The following NR3C1 variants were observed in gnomAD, a reference collection of about 807,000 sequenced individuals.
NR3C1 encodes nuclear receptor subfamily 3 group C member 1.
NR3C1 carries 14 observed loss-of-function variants against 74.0 expected under a neutral mutation model. The ratio of observed to expected loss-of-function variants is 0.19; its 90% confidence interval spans 0.12 to 0.30. The LOEUF (loss-of-function observed/expected upper bound fraction) is 0.30. Among genes scored for constraint, NR3C1 ranks in the 10% least tolerant of loss-of-function variants. The pLI is 1.00. For missense variants in NR3C1, 695 were observed against 909.8 expected (o/e 0.76, Z 3.04); for synonymous variants, 308 against 332.5 (o/e 0.93, Z 0.80).
At chr5:143,418,036 G>T (rs1751003861) in intron 1 of NR3C1, among the ~76,000 whole-genome samples, 1 of 152,164 alleles carries the variant, frequency 6.6e-6, no homozygotes, top group South Asian at 2.1e-4. Context: ...ACAGCCAAAA[G>T]AAACAGAAGC....
At chr5:143,295,099 A>G in intron 7 of NR3C1, 1 of 985,376 alleles carries the variant, frequency 1.0e-6, no homozygotes, top group African/African-American at 1.7e-5. Flanking sequence ...AGGAAACTAA[A>G]ATTTTTAACC....
chr5:143,417,628 CTTA>C (rs1417179864), intron 1 of NR3C1, among the ~76,000 whole-genome samples: 2 of 152,078 alleles, frequency 1.3e-5, no homozygotes, highest in Non-Finnish European at 2.9e-5. Flanking sequence ...GGTAAAGTAA[CTTA>C]TTATTACGCT....
intron 7 of NR3C1, among the ~76,000 whole-genome samples, chr5:143,293,147 G>T (rs547514290): frequency 7.2e-5 from 11 of 152,144 alleles, no homozygotes; most frequent in Non-Finnish European, 1.5e-4. Flanking sequence ...ATCAATCAAC[G>T]AGTGGATAAA....
chr5:143,308,484 A>G (rs1820146493), intron 4 of NR3C1, among the ~76,000 whole-genome samples: 3 of 152,100 alleles, frequency 2.0e-5, no homozygotes, highest in Non-Finnish European at 2.9e-5. Flanking sequence ...AATAATCATC[A>G]TAATCATAAA....
intron 2 of NR3C1, among the ~76,000 whole-genome samples, chr5:143,331,463 C>CA (rs1446336533): frequency 1.3e-5 from 2 of 152,072 alleles, no homozygotes; most frequent in Non-Finnish European, 2.9e-5. Flanking sequence ...AATGATTCTA[C>CA]CATAAAGACG....
At chr5:143,326,354 C>G (rs1368370534) in intron 2 of NR3C1, among the ~76,000 whole-genome samples, 2 of 152,176 alleles carry the variant, frequency 1.3e-5, no homozygotes, top group Admixed American at 6.5e-5. Context: ...CCCCTTCTAT[C>G]CTTCATATCA....
intron 2 of NR3C1, among the ~76,000 whole-genome samples, chr5:143,343,852 G>A (rs961750901): frequency 6.6e-6 from 1 of 152,148 alleles, no homozygotes; most frequent in African/African-American, 2.4e-5. Context: ...CTATCACTAT[G>A]CTCTTTCAAA....
At chr5:143,328,467 C>T (rs1825152085) in intron 2 of NR3C1, among the ~76,000 whole-genome samples, 1 of 152,220 alleles carries the variant, frequency 6.6e-6, no homozygotes, top group East Asian at 1.9e-4. Context: ...TTACTTATTA[C>T]TCCTTGTTAC....
At chr5:143,302,380 G>T (rs1176981194) in intron 4 of NR3C1, among the ~76,000 whole-genome samples, 1 of 151,986 alleles carries the variant, frequency 6.6e-6, no homozygotes, top group Non-Finnish European at 1.5e-5. Flanking sequence ...AATACATAAA[G>T]AAACTCTTTA....
chr5:143,347,529 G>C (rs1305036331), intron 2 of NR3C1, among the ~76,000 whole-genome samples: 1 of 152,118 alleles, frequency 6.6e-6, no homozygotes. Context: ...CTATTCAAAG[G>C]GATAGAGAGT....
At chr5:143,306,898 T>A (rs1241387076) in intron 4 of NR3C1, among the ~76,000 whole-genome samples, 29 of 61,404 alleles carry the variant, frequency 4.7e-4, no homozygotes, top group Non-Finnish European at 8.1e-4. Flanking sequence ...TTTTTTTTTT[T>A]TTTTTTTTTT....
intron 2 of NR3C1, among the ~76,000 whole-genome samples, chr5:143,361,190 G>T (rs536509864): frequency 1.3e-5 from 2 of 152,242 alleles, no homozygotes; most frequent in African/African-American, 4.8e-5. Flanking sequence ...AGGAAGCATG[G>T]CTGAATGACT....
intron 2 of NR3C1, among the ~76,000 whole-genome samples, chr5:143,373,421 T>C (rs1005153650): frequency 8.3e-5 from 12 of 145,242 alleles, no homozygotes; most frequent in African/African-American, 2.8e-4. Flanking sequence ...TTACAAACAA[T>C]GTTGAGTTAA....
At chr5:143,433,380 A>G (rs1600695744) in intron 1 of NR3C1, among the ~76,000 whole-genome samples, 1 of 32,250 alleles carries the variant, frequency 3.1e-5, no homozygotes, top group South Asian at 1.0e-3. Flanking sequence ...TAGCTGATGG[A>G]AACAGCACTA....
intron 2 of NR3C1, among the ~76,000 whole-genome samples, chr5:143,378,039 C>T (rs970308961): frequency 6.6e-6 from 1 of 152,008 alleles, no homozygotes; most frequent in Non-Finnish European, 1.5e-5. Flanking sequence ...CAACTGAGGC[C>T]AGGAATGTGA....
intron 4 of NR3C1, among the ~76,000 whole-genome samples, chr5:143,308,210 C>T (rs2151592709): frequency 6.6e-6 from 1 of 152,228 alleles, no homozygotes; most frequent in South Asian, 2.1e-4. Context: ...CCTGTAATAC[C>T]AGCACTTTGG....
chr5:143,314,087 C>G lies in NR3C1; in HGVS notation c.1266G>C (p.Leu422=). The change falls in exon 3 of 9, where the codon CTG becomes CTC. Residue 422 remains leucine (L), a synonymous_variant. Coordinates refer to ENST00000394464, the MANE Select transcript of NR3C1 (RefSeq NM_000176.3). ...ATCCTGAAGCTTCATCAGAGCACAC[C>G]AGGCAGAGTTTGGGAGGTGGTCCTG... ...ATTGPPPKLC[L]VCSDEASGCH... 6.2e-7 allele frequency: 1 copy of G among 1,613,772 alleles called. No individual in the cohort carries two copies. The highest frequency in any genetic ancestry group is 1.3e-5 in the African/African-American group (1 of 75,030).
At chr5:143,288,985 A>G in intron 7 of NR3C1, among the ~76,000 whole-genome samples, 1 of 150,870 alleles carries the variant, frequency 6.6e-6, no homozygotes, top group South Asian at 2.1e-4. Context: ...GGTGCCTGCA[A>G]TCCCACTGCT....
In NR3C1 at chr5:143,300,393, C is replaced by A; in HGVS notation, c.1747+92G>T. ...CCAGAACTAAGAGAAACAAGATAAG[C>A]CATGGGCTCACGATGATATAAAAGC... On this transcript the variant is annotated intron_variant, in intron 5 of 8. Transcript: ENST00000394464. The surrounding 1 kb of genome is among the most constrained non-coding windows in gnomAD (Gnocchi z 5.2). The A allele has an allele frequency of 6.7e-7, 1 of 1,484,888 alleles. No homozygotes were observed. Among genetic ancestry groups the A allele is most frequent in the Non-Finnish European group, 9.4e-7 (1 of 1,066,838 alleles). The allele number at this position is 1,484,888 out of a possible 1,614,324, so 92.0% of individuals were successfully genotyped here. A position where few individuals can be genotyped will look rare whatever the true frequency, so the allele number is the denominator to read the frequency against.
Sources: gnomAD v4.1 joint callset for allele counts (sites outside exome capture counted in the v4.1 genomes callset) on GRCh38, gnomAD v4.1.1 for gene constraint, Gnocchi (gnomAD v3.1) non-coding constraint, MANE v1.5 for transcripts, NCBI Gene and HGNC (gene_info 2026-07-23, HGNC 2026-07-21) for gene names.